CSMD3: variants seen among roughly 807,000 people sequenced by gnomAD.
CSMD3 encodes the protein CUB and sushi domain-containing protein 3.
CSMD3 carries 177 observed loss-of-function variants against 435.2 expected under a neutral mutation model. That is an observed-to-expected ratio of 0.41 (90% CI 0.36 to 0.46). The LOEUF (loss-of-function observed/expected upper bound fraction) is 0.46, where lower values mean the gene tolerates loss of function less well. Ranked by LOEUF, CSMD3 falls within the 20% of genes least tolerant of loss-of-function variation. The pLI is 0.34. For missense variants in CSMD3, 4,265 were observed against 4,504.6 expected (o/e 0.95, Z 1.52); for synonymous variants, 1,656 against 1,520.5 (o/e 1.09, Z -2.07).
At chr8:112,318,557 C>A (rs1822692114) in intron 47 of CSMD3, among the ~76,000 whole-genome samples, 1 of 152,032 alleles carries the variant, frequency 6.6e-6, no homozygotes, top group Non-Finnish European at 1.5e-5. Flanking sequence ...CTCTCCACCT[C>A]CATTCCCATC....
chr8:112,716,519 A>G (rs2076732318), intron 13 of CSMD3, among the ~76,000 whole-genome samples: 1 of 152,198 alleles, frequency 6.6e-6, no homozygotes, highest in Non-Finnish European at 1.5e-5. Flanking sequence ...TATAAATTCA[A>G]TGTTATTCCC....
intron 3 of CSMD3, among the ~76,000 whole-genome samples, chr8:113,186,330 C>G (rs2092501336): frequency 6.6e-6 from 1 of 151,982 alleles, no homozygotes; most frequent in Non-Finnish European, 1.5e-5. Context: ...GGTTCTACCA[C>G]CATTCAATTT....
rs975410193 is a variant in CSMD3, at chr8:112,299,633, A to C, written c.8440+2160T>G. Reference sequence around the variant, plus strand: ...CATAATAAAATACTAGGAAGGCAGGAATAAATGCACCATACTTAGAGAAAC... The same window carrying C: ...CATAATAAAATACTAGGAAGGCAGGCATAAATGCACCATACTTAGAGAAAC... On this transcript the variant is annotated intron_variant, in intron 53 of 70. Coordinates refer to ENST00000297405, the MANE Select transcript of CSMD3 (RefSeq NM_198123.2). Among the ~76,000 whole-genome samples the C allele has an allele frequency of 1.5e-4, 23 of 152,216 alleles. 1 individual carries two copies. Among genetic ancestry groups the C allele is most frequent in the African/African-American group, 5.3e-4 (22 of 41,558 alleles).
chr8:112,475,207 A>T (rs912885645), intron 31 of CSMD3, among the ~76,000 whole-genome samples: 4 of 152,220 alleles, frequency 2.6e-5, no homozygotes, highest in African/African-American at 9.6e-5. Flanking sequence ...ACTCAAGTTC[A>T]GTTCTGTAAC....
At chr8:112,780,262 T>C (rs1172288308) in intron 13 of CSMD3, among the ~76,000 whole-genome samples, 2 of 152,042 alleles carry the variant, frequency 1.3e-5, no homozygotes, top group Non-Finnish European at 2.9e-5. Context: ...TAGTGTATAG[T>C]TCCCCATTGG....
intron 13 of CSMD3, among the ~76,000 whole-genome samples, chr8:112,709,903 A>G (rs1344724301): frequency 6.6e-6 from 1 of 152,088 alleles, no homozygotes; most frequent in East Asian, 1.9e-4. Context: ...CAGATAACTC[A>G]CTTTAGAAAA....
chr8:112,838,184 G>A (rs908620106), intron 11 of CSMD3, among the ~76,000 whole-genome samples: 1 of 151,584 alleles, frequency 6.6e-6, no homozygotes, highest in African/African-American at 2.4e-5. Flanking sequence ...GTTGGGAACT[G>A]GGAAAGAACA....
chr8:112,352,278 T>C, intron 39 of CSMD3, 138 bp downstream of exon 39: 1 of 1,287,724 alleles, frequency 7.8e-7, no homozygotes, highest in Non-Finnish European at 1.1e-6. Context: ...CATATTTTAT[T>C]ATCAAATTGA....
At chr8:112,367,080 CAATTT>C (rs1306025989) in intron 38 of CSMD3, among the ~76,000 whole-genome samples, 3 of 152,020 alleles carry the variant, frequency 2.0e-5, no homozygotes, top group East Asian at 1.9e-4. Flanking sequence ...TGCACCAATT[CAATTT>C]ATTTGTGGCA....
chr8:112,965,183 T>G (rs2084371311), intron 7 of CSMD3, among the ~76,000 whole-genome samples: 1 of 151,938 alleles, frequency 6.6e-6, no homozygotes. Context: ...ATCAAAATAT[T>G]TTAACAAAGA....
Position 113,410,900 on chromosome 8 carries a change from T to TGAAAAA in CSMD3, c.178+25776_178+25777insTTTTTC, listed in dbSNP as rs1554633030. Reference sequence around the variant, plus strand: ...AGCCTTGTGACAGAGCAAAACCCTGTGAAAGAAAGAAAGAAAGAAAGAAAG... The same window carrying TGAAAAA: ...AGCCTTGTGACAGAGCAAAACCCTGTGAAAAAGAAAGAAAGAAAGAAAGAAAGAAAG... On this transcript the variant is annotated intron_variant, in intron 1 of 70. Transcript: ENST00000297405. Among the ~76,000 whole-genome samples, 19 of 105,482 alleles carry TGAAAAA rather than the reference T, an allele frequency of 1.8e-4. No individual in the cohort carries two copies. In the South Asian group the frequency reaches 6.5e-3, roughly 36 times the overall value. The allele number at this position is 105,482 out of a possible 152,430, so 69.2% of individuals were successfully genotyped here.
chr8:112,481,920 G>A (rs1413467904), intron 31 of CSMD3, among the ~76,000 whole-genome samples: 2 of 151,640 alleles, frequency 1.3e-5, no homozygotes, highest in East Asian at 1.9e-4. Context: ...AATTCATTTT[G>A]TTTAACTGCC....
At chr8:113,312,339 G>C (rs1305049596) in intron 2 of CSMD3, 1 of 152,124 alleles carries the variant, frequency 6.6e-6, no homozygotes, top group Non-Finnish European at 1.5e-5. Context: ...ATAGCACAGT[G>C]ACAGGTGCAG....
At chr8:113,177,380 T>G (rs568003868) in intron 3 of CSMD3, among the ~76,000 whole-genome samples, 45 of 152,164 alleles carry the variant, frequency 3.0e-4, no homozygotes, top group African/African-American at 1.1e-3. Context: ...GTTATCTCAA[T>G]GTGTTTTTGA....
intron 3 of CSMD3, among the ~76,000 whole-genome samples, chr8:113,212,606 G>T (rs1048269315): frequency 6.6e-6 from 1 of 152,018 alleles, no homozygotes; most frequent in Non-Finnish European, 1.5e-5. Flanking sequence ...GATGAAGCTG[G>T]AAACCATCAT....
intron 10 of CSMD3, among the ~76,000 whole-genome samples, chr8:112,871,210 G>A (rs1183625762): frequency 6.6e-6 from 1 of 152,174 alleles, no homozygotes; most frequent in Non-Finnish European, 1.5e-5. Flanking sequence ...GTAAAACAAT[G>A]TGCTGATGAA....
At chr8:113,125,035 T>C (rs1415135626) in intron 4 of CSMD3, among the ~76,000 whole-genome samples, 1 of 152,032 alleles carries the variant, frequency 6.6e-6, no homozygotes, top group Non-Finnish European at 1.5e-5. Flanking sequence ...AAGGTGTCTC[T>C]TTCTAAACAT....
At chr8:112,575,030 A>C (rs1202160471) in intron 23 of CSMD3, among the ~76,000 whole-genome samples, 1 of 151,952 alleles carries the variant, frequency 6.6e-6, no homozygotes, top group East Asian at 1.9e-4. Flanking sequence ...AATCTGAATA[A>C]TATATTTTTT....
At chr8:112,406,042 C>T (rs912771958) in intron 35 of CSMD3, among the ~76,000 whole-genome samples, 2 of 151,834 alleles carry the variant, frequency 1.3e-5, no homozygotes, top group Admixed American at 6.6e-5. Context: ...ATTGGATTGT[C>T]GCAACACAAT....
Sources: allele counts gnomAD v4.1 joint callset (sites outside exome capture counted in the v4.1 genomes callset), GRCh38; gene constraint gnomAD v4.1.1; transcripts MANE v1.5; gene names NCBI Gene and HGNC (gene_info 2026-07-23, HGNC 2026-07-21).